The following ARCN1 variants were observed in gnomAD, a reference collection of about 807,000 sequenced individuals.
The protein encoded by ARCN1 is archain 1 coat protein complex I subunit delta, also known as coatomer subunit delta.
Under a neutral mutation model 60.4 loss-of-function variants are expected in ARCN1, and 5 were observed. The observed-to-expected ratio is 0.08, with a 90% CI of 0.04 to 0.17. The LOEUF is 0.17. Ranked by LOEUF, ARCN1 falls within the 10% of genes least tolerant of loss-of-function variation. The pLI, the probability that ARCN1 is intolerant of heterozygous loss-of-function variation, is 1.00. For synonymous variants in ARCN1, 224 were observed against 220.0 expected (o/e 1.02, Z -0.16); for missense variants, 464 against 626.5 (o/e 0.74, Z 2.77).
In ARCN1 at chr11:118,600,850, G is replaced by T; in HGVS notation, c.*136G>T. ...TGATACAATGCACGATTCTCTGCGC[G>T]CAAGGACCCTCGACTCACCCCCATG... On this transcript the variant is annotated 3_prime_UTR_variant, in exon 10 of 10. Transcript: ENST00000264028. 5.1e-6 allele frequency: 3 copies of T among 584,248 alleles called. No homozygotes were observed. Among genetic ancestry groups the T allele is most frequent in the Non-Finnish European group, 6.0e-6 (2 of 333,566 alleles). The allele number at this position is 584,248 out of a possible 1,614,324, so 36.2% of individuals were successfully genotyped here.
intron 1 of ARCN1, among the ~76,000 whole-genome samples, chr11:118,580,622 A>G (rs923793046): frequency 7.9e-5 from 12 of 152,174 alleles, no homozygotes; most frequent in Admixed American, 5.9e-4. Flanking sequence ...AATATTATCA[A>G]TTATTCAGTC....
chr11:118,578,833 AGG>A (rs1938582305), intron 1 of ARCN1, among the ~76,000 whole-genome samples: 4 of 141,894 alleles, frequency 2.8e-5, no homozygotes, highest in Non-Finnish European at 6.1e-5. Context: ...ACTTTAGCCC[AGG>A]AATTTGTAGC....
chr11:118,585,759 G>A (rs1402245939), intron 5 of ARCN1, among the ~76,000 whole-genome samples: 9 of 152,088 alleles, frequency 5.9e-5, no homozygotes, highest in African/African-American at 9.7e-5. Flanking sequence ...GGCTGGTCTC[G>A]AACTCCTGGA....
chr11:118,597,068 G>C (rs564855091), intron 8 of ARCN1, among the ~76,000 whole-genome samples: 1 of 152,186 alleles, frequency 6.6e-6, no homozygotes, highest in Non-Finnish European at 1.5e-5. Context: ...TTAGCTGGGC[G>C]TGGCGGCACA....
rs1331830889 is a variant in ARCN1, at chr11:118,601,759, A to G, written c.*1045A>G. On this transcript the variant is annotated 3_prime_UTR_variant, in exon 10 of 10. Coordinates refer to ENST00000264028, the MANE Select transcript of ARCN1 (RefSeq NM_001655.5). ...TACCATGAATCCCACTTGTGTCAAT[A>G]TTAAAGATAGCTGAGAAGCACCTTT... The G allele has an allele frequency of 5.7e-6, 4 of 702,526 alleles. No individual in the cohort carries two copies. In the East Asian group the frequency reaches 8.0e-5, roughly 14 times the overall value. The allele number at this position is 702,526 out of a possible 1,614,324, so 43.5% of individuals were successfully genotyped here. A position where few individuals can be genotyped will look rare whatever the true frequency, so the allele number is the denominator to read the frequency against.
chr11:118,590,244 C>T (rs1456338751), intron 5 of ARCN1, 97 bp from the exon 6 acceptor site: 1 of 975,298 alleles, frequency 1.0e-6, no homozygotes. Flanking sequence ...ATCTGCCCGC[C>T]TTGGCCTCCC....
At chr11:118,600,133 CATTT>C (rs1245411197) in intron 9 of ARCN1, among the ~76,000 whole-genome samples, 2 of 152,142 alleles carry the variant, frequency 1.3e-5, no homozygotes, top group African/African-American at 4.8e-5. Flanking sequence ...TTAAGCTGGA[CATTT>C]ATTTATTTAA....
chr11:118,579,839 C>A (rs944427165), intron 1 of ARCN1, among the ~76,000 whole-genome samples: 7 of 151,840 alleles, frequency 4.6e-5, no homozygotes, highest in African/African-American at 1.7e-4. Context: ...TTTCTAGATT[C>A]TTTATGAACA....
At chr11:118,599,004 G>A (rs1939092073) in intron 9 of ARCN1, among the ~76,000 whole-genome samples, 1 of 151,904 alleles carries the variant, frequency 6.6e-6, no homozygotes, top group Non-Finnish European at 1.5e-5. Flanking sequence ...ATATCGGTCA[G>A]GCTGGTCTCG....
chr11:118,583,280 G>C lies in ARCN1; in HGVS notation c.369G>C (p.Glu123Asp). The C allele has an allele frequency of 6.2e-7, 1 of 1,614,178 alleles. No homozygotes were observed. Among genetic ancestry groups the C allele is most frequent in the South Asian group, 1.1e-5 (1 of 91,086 alleles). ...AAATTGTCGCACTGGGATACCGGGA[G>C]AATGTTAACTTGGCACAGATCAGAA... ...FDEIVALGYR[E>D]NVNLAQIRTF... Residue 123 changes from glutamate to aspartate, a missense_variant, in exon 3 of 10, where the codon GAG becomes GAC. Around this residue, in one of 2 missense-constraint regions of ARCN1, gnomAD observed 105 missense variants for 186.3 expected, o/e 0.56. Transcript: ENST00000264028.
Position 118,572,418 on chromosome 11 carries a change from A to G in ARCN1, c.-130A>G. 1 of 672,132 alleles carries G rather than the reference A, an allele frequency of 1.5e-6. No individual in the cohort carries two copies. Among genetic ancestry groups the G allele is most frequent in the Non-Finnish European group, 2.0e-6 (1 of 491,240 alleles). The allele number at this position is 672,132 out of a possible 1,614,324, so 41.6% of individuals were successfully genotyped here. A position where few individuals can be genotyped will look rare whatever the true frequency, so the allele number is the denominator to read the frequency against. ...GTGGCTTGGGGCCGCCATCTTGGCA[A>G]GAGGCGAAGCGGCAGCGGTTCCTGT... On this transcript the variant is annotated 5_prime_UTR_variant, in exon 1 of 10. Transcript: ENST00000264028.
chr11:118,594,496 A>G (rs1938983091), intron 8 of ARCN1, among the ~76,000 whole-genome samples: 1 of 152,154 alleles, frequency 6.6e-6, no homozygotes, highest in African/African-American at 2.4e-5. Context: ...CTGACTTTAA[A>G]ACCAAATTGA....
chr11:118,588,046 G>T (rs1938815746), intron 5 of ARCN1, among the ~76,000 whole-genome samples: 1 of 152,236 alleles, frequency 6.6e-6, no homozygotes, highest in Non-Finnish European at 1.5e-5. Context: ...CTGGAAAATA[G>T]ATGAGACCTT....
intron 8 of ARCN1, among the ~76,000 whole-genome samples, chr11:118,596,633 T>C (rs1335807165): frequency 4.6e-5 from 7 of 152,196 alleles, no homozygotes; most frequent in African/African-American, 1.7e-4. Flanking sequence ...AATATAAACA[T>C]TGAGTGTCAC....
chr11:118,573,591 T>C, intron 1 of ARCN1: 1 of 686,026 alleles, frequency 1.5e-6, no homozygotes, highest in Non-Finnish European at 2.7e-6. Flanking sequence ...GATGTTCTGT[T>C]CTGTTCTTTT....
chr11:118,585,104 G>A (rs1323275426), intron 5 of ARCN1, among the ~76,000 whole-genome samples: 2 of 152,066 alleles, frequency 1.3e-5, no homozygotes, highest in African/African-American at 4.8e-5. Context: ...GGGATTACAG[G>A]CGTGAGCCAC....
At chr11:118,598,331 A>G (rs1292001128) in intron 9 of ARCN1, among the ~76,000 whole-genome samples, 1 of 152,004 alleles carries the variant, frequency 6.6e-6, no homozygotes, top group African/African-American at 2.4e-5. Context: ...CAAAATTACT[A>G]CAAAAAAAAA....
At position 118,590,465 on chromosome 11, in the gene ARCN1, C is replaced by T. The variant is rs1555076139; in HGVS notation, c.943C>T (p.Leu315Phe). 2 of 1,614,156 alleles carry T rather than the reference C, an allele frequency of 1.2e-6. No homozygotes were observed. Among genetic ancestry groups the T allele is most frequent in the Non-Finnish European group, 1.7e-6 (2 of 1,180,020 alleles). Reference protein sequence around the residue: ...ISDDKYGRIRLHVENEDKKGV... With the variant: ...ISDDKYGRIRFHVENEDKKGV... Reference sequence around the variant, plus strand: ...AGATGACAAGTATGGCCGAATTCGTCTTCATGTGGAAAATGAAGATAAGAA... The same window carrying T: ...AGATGACAAGTATGGCCGAATTCGTTTTCATGTGGAAAATGAAGATAAGAA... The change falls in exon 6 of 10, where the codon CTT (leucine) becomes TTT (phenylalanine). Residue 315 changes from leucine (L) to phenylalanine (F), a missense_variant. Physicochemically the swap from Leu to Phe is conservative, Grantham distance 22 (BLOSUM62 0). Coordinates refer to ENST00000264028, the MANE Select transcript of ARCN1 (RefSeq NM_001655.5).
chr11:118,572,668 T>G, intron 1 of ARCN1, 118 bp downstream of exon 1: 1 of 1,354,390 alleles, frequency 7.4e-7, no homozygotes. Context: ...GCAGAGTGCT[T>G]TTGCTCCGGG....
Sources: allele counts gnomAD v4.1 joint callset (sites outside exome capture counted in the v4.1 genomes callset), GRCh38; gene constraint gnomAD v4.1.1; regional missense constraint gnomAD v4.1.1; transcripts MANE v1.5; gene names NCBI Gene and HGNC (gene_info 2026-07-23, HGNC 2026-07-21).